GALM: variants seen among roughly 807,000 people sequenced by gnomAD.
GALM encodes the protein galactose mutarotase, also known as aldose 1-epimerase.
Under a neutral mutation model 37.4 loss-of-function variants are expected in GALM, and 43 were observed. The observed-to-expected ratio is 1.15, with a 90% confidence interval of 0.90 to 1.48. GALM has a LOEUF of 1.48. Among genes scored for constraint, GALM ranks in the 40% most tolerant of loss-of-function variants. The probability of loss-of-function intolerance (pLI) is 0.00; values close to 1 mark genes in which losing one functional copy is unlikely to be tolerated. For missense variants in GALM, 456 were observed against 419.1 expected, an observed-to-expected ratio of 1.09 and a Z score of -0.77; for synonymous variants, 199 against 170.6, an observed-to-expected ratio of 1.17 and a Z score of -1.30.
Position 38,666,203 on chromosome 2 carries a change from G to T in GALM, c.42G>T (p.Ser14=), listed in dbSNP as rs1178078040. 1 of 1,613,870 alleles carries T rather than the reference G, an allele frequency of 6.2e-7. No homozygotes were observed. The change falls in exon 1 of 7, where the codon TCG becomes TCT. Residue 14 remains serine (S), a synonymous_variant. Transcript: ENST00000272252. ...GGGCCGTGTTTGGAGAGCTGCCCTCGGGAGGAGGGACAGTGGAGAAGTTCC... is the reference window on the plus strand; with the variant it reads ...GGGCCGTGTTTGGAGAGCTGCCCTCTGGAGGAGGGACAGTGGAGAAGTTCC... ...VTRAVFGELP[S]GGGTVEKFQL...
chr2:38,668,900 C>T (rs897094186), intron 1 of GALM: 1 of 152,064 alleles, frequency 6.6e-6, no homozygotes, highest in Non-Finnish European at 1.5e-5. Flanking sequence ...AAGATCTGAG[C>T]GTGGATAATT....
chr2:38,731,719 TTG>T lies in GALM; in HGVS notation c.777-14_777-13del. 1 of 1,609,244 alleles carries T rather than the reference TTG, an allele frequency of 6.2e-7. No individual in the cohort carries two copies. The highest frequency in any genetic ancestry group is 8.5e-7 in the Non-Finnish European group (1 of 1,176,268). The stretch of plus-strand genomic sequence containing the variant: ...CTTTTCTGCCCTGGACTCATGTTGT[TTG>T]TATTTCTTACCAGGGTGCATCATGC... On this transcript the variant is annotated splice_polypyrimidine_tract_variant and intron_variant, in intron 5 of 6. Coordinates refer to ENST00000272252, the MANE Select transcript of GALM (RefSeq NM_138801.3).
intron 2 of GALM, among the ~76,000 whole-genome samples, chr2:38,678,017 CTTTT>C (rs372206191): frequency 1.4e-5 from 2 of 138,300 alleles, no homozygotes; most frequent in African/African-American, 2.7e-5. Flanking sequence ...ACTTTGAACT[CTTTT>C]TTTTTTTTTT....
chr2:38,715,379 A>C (rs1666249505), intron 4 of GALM, among the ~76,000 whole-genome samples: 1 of 152,268 alleles, frequency 6.6e-6, no homozygotes, highest in Admixed American at 6.5e-5. Context: ...AGTAACCTGC[A>C]CAAAGTTAAA....
chr2:38,691,650 C>T (rs910363310), intron 4 of GALM, among the ~76,000 whole-genome samples: 5 of 151,718 alleles, frequency 3.3e-5, no homozygotes, highest in African/African-American at 1.2e-4. Context: ...CTGCTGCACT[C>T]TACCCTGGGC....
chr2:38,689,775 A>C (rs1465124495), intron 3 of GALM, 38 bp from the exon 4 acceptor site: 1 of 1,183,738 alleles, frequency 8.4e-7, no homozygotes, highest in Non-Finnish European at 1.2e-6. Context: ...ATGAAATAAG[A>C]CTAAGCAGAA....
chr2:38,703,452 G>C (rs1665972187), intron 4 of GALM, among the ~76,000 whole-genome samples: 1 of 151,854 alleles, frequency 6.6e-6, no homozygotes, highest in African/African-American at 2.4e-5. Context: ...CTGGGATTCA[G>C]AAAACCAAGA....
At position 38,666,561 on chromosome 2, in the gene GALM, CTCTGGTTA is replaced by C. The variant is rs1664943871; in HGVS notation, c.190+213_190+220del. ...TAATAAATAAACTATGGCAGTTGGC[CTCTGGTTA>C]TCCGTTCAGGCTTTGCCCCAGTTAA... is the stretch of plus-strand genomic sequence containing the variant. On this transcript the variant is annotated intron_variant, in intron 1 of 6. Coordinates refer to ENST00000272252, the MANE Select transcript of GALM (RefSeq NM_138801.3). Among the ~76,000 whole-genome samples the C allele has an allele frequency of 2.6e-5, 4 of 152,222 alleles. No homozygotes were observed. The South Asian group carries it at 8.3e-4, about 31-fold the overall frequency.
At position 38,666,140 on chromosome 2, in the gene GALM, C is replaced by A; in HGVS notation, c.-22C>A. The A allele has an allele frequency of 1.9e-6, 3 of 1,598,206 alleles. No homozygotes were observed. Among genetic ancestry groups the A allele is most frequent in the South Asian group, 1.1e-5 (1 of 88,664 alleles). ...CTGGAGTTTGAAGAGCGGGCAGTGGCTGCACACGCCAAACTTTCCCTATGG... is the reference window on the plus strand; with the variant it reads ...CTGGAGTTTGAAGAGCGGGCAGTGGATGCACACGCCAAACTTTCCCTATGG... On this transcript the variant is annotated 5_prime_UTR_variant, in exon 1 of 7. It adds an upstream start codon to the 5' untranslated region. Coordinates refer to ENST00000272252, the MANE Select transcript of GALM (RefSeq NM_138801.3).
intron 4 of GALM, among the ~76,000 whole-genome samples, chr2:38,708,731 G>GAAAA (rs35151264): frequency 2.2e-5 from 2 of 91,516 alleles, no homozygotes; most frequent in Non-Finnish European, 2.6e-5. Context: ...TCTGTCTCAA[G>GAAAA]AAAAAAAAAA....
intron 1 of GALM, among the ~76,000 whole-genome samples, chr2:38,674,991 A>G (rs532880358): frequency 4.4e-4 from 67 of 152,332 alleles, no homozygotes; most frequent in African/African-American, 1.6e-3. Flanking sequence ...CCTGGCCAAC[A>G]TGGTGAAACC....
intron 2 of GALM, chr2:38,680,170 C>G (rs1665361313): frequency 2.8e-6 from 1 of 363,384 alleles, no homozygotes; most frequent in African/African-American, 2.5e-5. Flanking sequence ...AGGTATGCAC[C>G]ACCATACCTC....
intron 6 of GALM, 74 bp downstream of exon 6, chr2:38,731,983 C>G: frequency 8.4e-7 from 1 of 1,188,508 alleles, no homozygotes; most frequent in Non-Finnish European, 1.2e-6. Flanking sequence ...TCACTACACT[C>G]GAATCAGCTT....
At chr2:38,687,481 A>G (rs1342823779) in intron 3 of GALM, among the ~76,000 whole-genome samples, 1 of 151,896 alleles carries the variant, frequency 6.6e-6, no homozygotes, top group African/African-American at 2.4e-5. Flanking sequence ...AGGCCAAGGC[A>G]GGCAGATTAC....
At chr2:38,704,588 T>C (rs775521930) in intron 4 of GALM, among the ~76,000 whole-genome samples, 65 of 151,644 alleles carry the variant, frequency 4.3e-4, no homozygotes, top group Non-Finnish European at 7.2e-4. Context: ...AGGCAGAGGA[T>C]TGCTTGAACC....
chr2:38,668,061 G>GCTGT, intron 1 of GALM: 1 of 152,250 alleles, frequency 6.6e-6, no homozygotes, highest in East Asian at 1.9e-4. Context: ...TTTCTACATG[G>GCTGT]CTGTCCATGT....
intron 1 of GALM, among the ~76,000 whole-genome samples, chr2:38,675,540 TTTTTGTGTGTGTGTGTGTGTGTGTG>T (rs1665233588): frequency 1.1e-5 from 1 of 93,178 alleles, no homozygotes. Context: ...TTTTTTTTTT[TTTTTGTGTGTGTGTGTGTGTGTGTG>T]TGTGTGTGTG....
intron 4 of GALM, among the ~76,000 whole-genome samples, chr2:38,728,329 G>T (rs1177118590): frequency 6.6e-6 from 1 of 152,118 alleles, no homozygotes; most frequent in East Asian, 1.9e-4. Context: ...GGGAGGCAGA[G>T]GTGGCAGTGA....
intron 4 of GALM, among the ~76,000 whole-genome samples, chr2:38,704,441 G>A (rs369850752): frequency 1.3e-5 from 2 of 151,992 alleles, no homozygotes; most frequent in African/African-American, 2.4e-5. Flanking sequence ...AGGCTAAGGC[G>A]GGAGGATTGA....
Sources: gnomAD v4.1 joint callset for allele counts (sites outside exome capture counted in the v4.1 genomes callset) on GRCh38, gnomAD v4.1.1 for gene constraint, MANE v1.5 for transcripts, NCBI Gene and HGNC (gene_info 2026-07-23, HGNC 2026-07-21) for gene names.